The following XPO1 variants were observed in gnomAD, a reference collection of about 807,000 sequenced individuals.
The protein encoded by XPO1 is exportin 1, also known as exportin-1.
Under a neutral mutation model 133.3 loss-of-function variants are expected in XPO1, and 5 were observed. The observed-to-expected ratio is 0.04, with a 90% CI of 0.02 to 0.08. XPO1 has a LOEUF of 0.08. Ranked by LOEUF, XPO1 falls within the 10% of genes least tolerant of loss-of-function variation. XPO1 has a pLI of 1.00. For synonymous variants in XPO1, 419 were observed against 408.2 expected (o/e 1.03, Z -0.32); for missense variants, 506 against 1,267.5 (o/e 0.40, Z 9.12).
chr2:61,502,151 T>C, intron 5 of XPO1, 98 bp downstream of exon 5: 1 of 1,502,198 alleles, frequency 6.7e-7, no homozygotes, highest in Non-Finnish European at 9.2e-7. Flanking sequence ...TGACTGTGCA[T>C]ATGTGTGACT....
intron 23 of XPO1, 129 bp from the exon 24 acceptor site, chr2:61,481,410 G>T: frequency 2.2e-6 from 1 of 463,736 alleles, no homozygotes; most frequent in Non-Finnish European, 3.7e-6. Flanking sequence ...CCGGGTTCAA[G>T]ACATTCTCCT....
At chr2:61,481,528 G>A (rs1038744026) in intron 23 of XPO1, among the ~76,000 whole-genome samples, 3 of 151,922 alleles carry the variant, frequency 2.0e-5, no homozygotes, top group Admixed American at 6.6e-5. Context: ...GCACAATCGC[G>A]GCTCACCGCA....
intron 24 of XPO1, chr2:61,480,717 A>T (rs544320776): frequency 6.6e-6 from 1 of 152,316 alleles, no homozygotes; most frequent in East Asian, 1.9e-4. Flanking sequence ...ACTATTCATC[A>T]ACTACTTAGG....
At chr2:61,517,933 C>T (rs886490230) in intron 4 of XPO1, among the ~76,000 whole-genome samples, 1 of 152,062 alleles carries the variant, frequency 6.6e-6, no homozygotes, top group Non-Finnish European at 1.5e-5. Flanking sequence ...TCGAGACCAG[C>T]CTGGTCAACA....
At chr2:61,502,741 A>G (rs1248509794) in intron 4 of XPO1, 4 of 104,270 alleles carry the variant, frequency 3.8e-5, no homozygotes, top group Non-Finnish European at 6.1e-5. Flanking sequence ...CAACAGAGCA[A>G]GACTTAAAAA....
Position 61,483,072 on chromosome 2 carries a change from T to G in XPO1, c.2697A>C (p.Thr899=), listed in dbSNP as rs1356052203. 20 of 1,612,340 alleles carry G rather than the reference T, an allele frequency of 1.2e-5. No homozygotes were observed. Among genetic ancestry groups the G allele is most frequent in the Non-Finnish European group, 1.7e-5 (20 of 1,179,692 alleles). ...VADTGLQILF[T]LLQNVAQEEA... ...CTTCTTGTGCAACATTTTGTAAGAG[T>G]GTAAAAAGTATCTGTAAGCCTAAAA... Residue 899 remains threonine, a synonymous_variant, in exon 22 of 25, where the codon ACA becomes ACC. Transcript: ENST00000401558.
chr2:61,524,931 C>CT (rs921050381), intron 3 of XPO1, among the ~76,000 whole-genome samples: 86 of 145,258 alleles, frequency 5.9e-4, no homozygotes, highest in African/African-American at 9.8e-4. Context: ...AATTTTTTTT[C>CT]TTTTTTTTTT....
intron 16 of XPO1, among the ~76,000 whole-genome samples, chr2:61,491,035 T>C (rs985850650): frequency 6.6e-6 from 1 of 152,006 alleles, no homozygotes; most frequent in African/African-American, 2.4e-5. Context: ...CAGGTGCCTA[T>C]AATTCCAGTT....
intron 24 of XPO1, among the ~76,000 whole-genome samples, chr2:61,479,924 T>C (rs1381437807): frequency 2.0e-5 from 3 of 152,006 alleles, no homozygotes; most frequent in Non-Finnish European, 4.4e-5. Flanking sequence ...GCGTGCAGTG[T>C]TATGATCTCA....
At chr2:61,499,251 C>A (rs1430974627) in intron 7 of XPO1, among the ~76,000 whole-genome samples, 3 of 152,078 alleles carry the variant, frequency 2.0e-5, no homozygotes, top group African/African-American at 7.2e-5. Flanking sequence ...GAAGCAGAGA[C>A]AATAACTGAT....
At chr2:61,485,484 C>CCCCA (rs1553402566) in intron 20 of XPO1, 6 of 167,230 alleles carry the variant, frequency 3.6e-5, no homozygotes, top group East Asian at 1.5e-4. Context: ...CCCCCCCCCC[C>CCCCA]ACTTCAGCCT....
At chr2:61,493,810 T>C in intron 12 of XPO1, 84 bp downstream of exon 12, 1 of 1,415,884 alleles carries the variant, frequency 7.1e-7, no homozygotes, top group Non-Finnish European at 9.7e-7. Flanking sequence ...AGCTAATTTA[T>C]TTACACAGAT....
intron 9 of XPO1, 113 bp from the exon 10 acceptor site, chr2:61,497,120 C>T (rs1697277075): frequency 1.5e-6 from 2 of 1,306,978 alleles, no homozygotes; most frequent in Admixed American, 2.7e-5. Flanking sequence ...GGGTAGATGT[C>T]AAAAACAGGC....
chr2:61,511,334 T>C (rs1341061196), intron 4 of XPO1, among the ~76,000 whole-genome samples: 1 of 151,956 alleles, frequency 6.6e-6, no homozygotes. Context: ...ACCATGTTGG[T>C]CAGGCTGATC....
intron 20 of XPO1, 90 bp from the exon 21 acceptor site, chr2:61,484,195 T>C: frequency 1.7e-6 from 2 of 1,189,374 alleles, no homozygotes; most frequent in South Asian, 3.0e-5. Flanking sequence ...CCAGTATAAA[T>C]ATTTGGAGTT....
intron 9 of XPO1, among the ~76,000 whole-genome samples, chr2:61,497,633 T>G (rs866769307): frequency 6.6e-6 from 1 of 152,172 alleles, no homozygotes; most frequent in South Asian, 2.1e-4. Flanking sequence ...CTAAAACTTG[T>G]GATTGCTTAG....
chr2:61,526,978 G>C (rs1698932570), intron 2 of XPO1, among the ~76,000 whole-genome samples: 1 of 152,138 alleles, frequency 6.6e-6, no homozygotes, highest in Non-Finnish European at 1.5e-5. Flanking sequence ...AAAGTGCTGA[G>C]ATTATAGGAG....
At chr2:61,491,954 G>A (rs2104426311) in intron 16 of XPO1, 81 bp downstream of exon 16, 4 of 1,474,976 alleles carry the variant, frequency 2.7e-6, no homozygotes, top group Non-Finnish European at 3.7e-6. Flanking sequence ...TCCAATAGTT[G>A]CCCTCCTATT....
intron 4 of XPO1, among the ~76,000 whole-genome samples, chr2:61,519,488 G>A (rs1366103722): frequency 6.6e-6 from 1 of 150,712 alleles, no homozygotes; most frequent in Non-Finnish European, 1.5e-5. Context: ...AAAAGGTCAG[G>A]AAATCGAGAC....
Sources: gnomAD v4.1 joint callset for allele counts (sites outside exome capture counted in the v4.1 genomes callset) on GRCh38, gnomAD v4.1.1 for gene constraint, MANE v1.5 for transcripts, NCBI Gene and HGNC (gene_info 2026-07-23, HGNC 2026-07-21) for gene names.